Variants in TENM4 observed in about 807,000 individuals in gnomAD.
The protein encoded by TENM4 is teneurin-4.
Under a neutral mutation model 243.3 loss-of-function variants are expected in TENM4, and 82 were observed. That is an observed-to-expected ratio of 0.34 (90% confidence interval 0.28 to 0.40). The LOEUF is 0.40. Among genes scored for constraint, TENM4 ranks in the 10% least tolerant of loss-of-function variants. TENM4 has a pLI of 1.00. For missense variants in TENM4, 3,138 were observed against 3,673.3 expected (o/e 0.85, Z 3.77); for synonymous variants, 1,412 against 1,456.3 (o/e 0.97, Z 0.69).
intron 19 of TENM4, among the ~76,000 whole-genome samples, chr11:78,753,646 T>G (rs1203033644): frequency 6.6e-6 from 1 of 152,218 alleles, no homozygotes; most frequent in Non-Finnish European, 1.5e-5. Context: ...CTTCTGAATC[T>G]AGATCAGTGA....
Position 79,157,954 on chromosome 11 carries a change from C to T in TENM4, c.-162-9148G>A, listed in dbSNP as rs141352968. On this transcript the variant is annotated intron_variant, in intron 3 of 33. Coordinates refer to ENST00000278550, the MANE Select transcript of TENM4 (RefSeq NM_001098816.3). ...TTCTAACTAGTCTGGGGAGTTCTAA[C>T]CTCTGGTGAGAGGGCAGAATCGTCC... Among the ~76,000 whole-genome samples the T allele has an allele frequency of 3.1e-3, 467 of 152,310 alleles. 3 individuals are homozygous for T. Among genetic ancestry groups the T allele is most frequent in the African/African-American group, 0.011 (439 of 41,558 alleles).
chr11:78,957,573 A>ATTC (rs1857233594), intron 6 of TENM4, among the ~76,000 whole-genome samples: 10 of 152,218 alleles, frequency 6.6e-5, no homozygotes, highest in Admixed American at 6.5e-4. Flanking sequence ...AAAAATAAAC[A>ATTC]CTCCTCCACT....
At chr11:79,296,732 T>C (rs1856461082) in intron 2 of TENM4, among the ~76,000 whole-genome samples, 1 of 152,242 alleles carries the variant, frequency 6.6e-6, no homozygotes, top group Non-Finnish European at 1.5e-5. Context: ...TTTGGCCCAC[T>C]CTTTCAGCCA....
intron 15 of TENM4, among the ~76,000 whole-genome samples, chr11:78,797,047 T>G (rs1053998975): frequency 2.6e-5 from 4 of 152,234 alleles, no homozygotes; most frequent in Admixed American, 6.5e-5. Context: ...CTAAATGAAG[T>G]GCTATCCAAA....
At position 78,856,110 on chromosome 11, in the gene TENM4, C is replaced by T. The variant is rs1858673896; in HGVS notation, c.1324G>A (p.Ala442Thr). 2 of 1,551,668 alleles carry T rather than the reference C, an allele frequency of 1.3e-6. No individual in the cohort carries two copies. The stretch of plus-strand genomic sequence containing the variant: ...GTGCCAGGAGGAATCTTCTGGGAAG[C>T]TCGCCTTCCCACATCAATTTCTCCA... ...DSGEIDVGRRASQKIPPGTFW... is the reference protein window; with the variant it reads ...DSGEIDVGRRTSQKIPPGTFW... The change falls in exon 11 of 34, where the codon GCT (alanine) becomes ACT (threonine). Residue 442 changes from alanine to threonine, a missense_variant. Physicochemically the swap from Ala to Thr is moderately conservative, Grantham distance 58 (BLOSUM62 0). Coordinates refer to ENST00000278550, the MANE Select transcript of TENM4 (RefSeq NM_001098816.3).
rs368948515 is a variant in TENM4 at position 78,788,038 on chromosome 11, C to T, written c.2180-955G>A. 5.9e-5 allele frequency among the ~76,000 whole-genome samples: 9 copies of T among 152,234 alleles called. 1 individual carries two copies. The East Asian group carries it at 1.2e-3, about 20-fold the overall frequency. On this transcript the variant is annotated intron_variant, in intron 15 of 33. Coordinates refer to ENST00000278550, the MANE Select transcript of TENM4 (RefSeq NM_001098816.3). The stretch of plus-strand genomic sequence containing the variant: ...AGAGAGACTGACTTGATTCTCATGC[C>T]TCGTGGCCCCACATGCTTCAAATTC...
intron 6 of TENM4, among the ~76,000 whole-genome samples, chr11:78,931,160 T>A (rs766135393): frequency 7.2e-5 from 11 of 152,152 alleles, no homozygotes; most frequent in Non-Finnish European, 1.5e-4. Context: ...TGCTATGAAT[T>A]CTCATGAGGA....
intron 3 of TENM4, among the ~76,000 whole-genome samples, chr11:79,201,337 C>T (rs1252289768): frequency 6.6e-6 from 1 of 152,134 alleles, no homozygotes; most frequent in Non-Finnish European, 1.5e-5. Flanking sequence ...AGTGATGCCT[C>T]CTTTGGAAGA....
chr11:79,026,120 C>T (rs1236177884), intron 6 of TENM4, among the ~76,000 whole-genome samples: 2 of 152,196 alleles, frequency 1.3e-5, no homozygotes, highest in East Asian at 1.9e-4. Context: ...CAGGTGTGAA[C>T]ACGAGGGCAA....
chr11:78,982,243 G>A (rs903822942), intron 6 of TENM4, among the ~76,000 whole-genome samples: 5 of 152,144 alleles, frequency 3.3e-5, no homozygotes, highest in Admixed American at 2.0e-4. Context: ...CCAGTGGTGA[G>A]TGAGCAGAGC....
At chr11:79,151,143 C>T (rs972459236) in intron 3 of TENM4, among the ~76,000 whole-genome samples, 1 of 152,152 alleles carries the variant, frequency 6.6e-6, no homozygotes, top group Non-Finnish European at 1.5e-5. Context: ...GGATTTCATG[C>T]TCTCATTTTG....
intron 6 of TENM4, among the ~76,000 whole-genome samples, chr11:79,030,959 G>T (rs1229195034): frequency 6.6e-6 from 1 of 152,162 alleles, no homozygotes; most frequent in African/African-American, 2.4e-5. Context: ...GAGAGAAAGT[G>T]GGGGGAAGGC....
chr11:79,246,313 G>C (rs1358775753), intron 2 of TENM4, among the ~76,000 whole-genome samples: 1 of 152,186 alleles, frequency 6.6e-6, no homozygotes, highest in African/African-American at 2.4e-5. Flanking sequence ...CAGACTGGCA[G>C]AGTTGTTTCC....
intron 6 of TENM4, among the ~76,000 whole-genome samples, chr11:79,026,758 C>T (rs1166179164): frequency 1.3e-5 from 2 of 152,110 alleles, no homozygotes; most frequent in Non-Finnish European, 2.9e-5. Flanking sequence ...TGGTCTGATC[C>T]CCAAACCTTA....
At chr11:79,083,823 T>C (rs760291182) in intron 4 of TENM4, among the ~76,000 whole-genome samples, 2 of 152,082 alleles carry the variant, frequency 1.3e-5, no homozygotes, top group Non-Finnish European at 2.9e-5. Flanking sequence ...AAAAGGAAAA[T>C]TTGATAAATG....
At chr11:79,386,645 AG>A (rs1275113205) in intron 1 of TENM4, among the ~76,000 whole-genome samples, 1 of 152,212 alleles carries the variant, frequency 6.6e-6, no homozygotes, top group African/African-American at 2.4e-5. Flanking sequence ...ACACATGAAA[AG>A]GTGCCCTATT....
At chr11:79,203,894 A>G (rs1863795592) in intron 3 of TENM4, among the ~76,000 whole-genome samples, 1 of 152,256 alleles carries the variant, frequency 6.6e-6, no homozygotes. Flanking sequence ...ATTTGGCAAG[A>G]AAAAGGAATG....
At chr11:78,935,004 T>TA (rs1856752774) in intron 6 of TENM4, among the ~76,000 whole-genome samples, 1 of 83,606 alleles carries the variant, frequency 1.2e-5, no homozygotes, top group African/African-American at 4.0e-5. Flanking sequence ...CAACTTTTTT[T>TA]TTTTTTTTTT....
At chr11:79,305,823 C>T (rs766084290) in intron 1 of TENM4, among the ~76,000 whole-genome samples, 5 of 152,190 alleles carry the variant, frequency 3.3e-5, no homozygotes, top group East Asian at 1.9e-4. Context: ...CTGATCTAGG[C>T]CCAAGGAAAG....
Sources: allele counts gnomAD v4.1 joint callset (sites outside exome capture counted in the v4.1 genomes callset), GRCh38; gene constraint gnomAD v4.1.1; transcripts MANE v1.5; gene names NCBI Gene and HGNC (gene_info 2026-07-23, HGNC 2026-07-21).